GABRB1: variants seen among roughly 807,000 people sequenced by gnomAD.
GABRB1 encodes gamma-aminobutyric acid receptor subunit beta-1.
A neutral mutation model predicts 51.6 loss-of-function variants in GABRB1; 17 were observed. That is an observed-to-expected ratio of 0.33 (90% CI 0.23 to 0.49). The LOEUF (loss-of-function observed/expected upper bound fraction) is 0.49, where lower values mean the gene tolerates loss of function less well. GABRB1 is among the 20% of genes least tolerant of loss of function. The probability of loss-of-function intolerance (pLI) is 0.99; values close to 1 mark genes in which losing one functional copy is unlikely to be tolerated. For missense variants in GABRB1, 410 were observed against 600.6 expected (o/e 0.68, Z 3.32); for synonymous variants, 247 against 218.9 (o/e 1.13, Z -1.14).
At chr4:47,050,146 T>G (rs1007179349) in intron 3 of GABRB1, among the ~76,000 whole-genome samples, 6 of 152,116 alleles carry the variant, frequency 3.9e-5, no homozygotes, top group Non-Finnish European at 7.4e-5. Flanking sequence ...CACACACAGG[T>G]CAGGTCAATT....
At chr4:47,182,817 C>T (rs551310135) in intron 4 of GABRB1, among the ~76,000 whole-genome samples, 2 of 151,928 alleles carry the variant, frequency 1.3e-5, no homozygotes, top group Non-Finnish European at 2.9e-5. Flanking sequence ...ACAGAGAAAA[C>T]TCTAACAGTT....
At chr4:47,139,185 A>G (rs539818162) in intron 3 of GABRB1, among the ~76,000 whole-genome samples, 2 of 152,100 alleles carry the variant, frequency 1.3e-5, no homozygotes, top group East Asian at 1.9e-4. Flanking sequence ...CTAGGTGTGT[A>G]TAATTGGAAA....
At chr4:47,212,810 G>A (rs995012131) in intron 4 of GABRB1, among the ~76,000 whole-genome samples, 1 of 152,110 alleles carries the variant, frequency 6.6e-6, no homozygotes, top group African/African-American at 2.4e-5. Context: ...ATAACTGAAA[G>A]TCTATCCCCA....
chr4:47,066,499 CT>C (rs1382275968), intron 3 of GABRB1, among the ~76,000 whole-genome samples: 5 of 152,186 alleles, frequency 3.3e-5, no homozygotes, highest in African/African-American at 1.2e-4. Flanking sequence ...CCTACTGCTT[CT>C]TTATCAACTA....
intron 3 of GABRB1, among the ~76,000 whole-genome samples, chr4:47,102,496 T>C (rs530574175): frequency 6.6e-6 from 1 of 152,052 alleles, no homozygotes; most frequent in Non-Finnish European, 1.5e-5. Context: ...GGAGTAGATA[T>C]GAAGAGTTGA....
intron 4 of GABRB1, among the ~76,000 whole-genome samples, chr4:47,209,891 C>T (rs572461519): frequency 1.4e-4 from 21 of 151,734 alleles, no homozygotes; most frequent in Non-Finnish European, 2.8e-4. Flanking sequence ...TTCCCTATAC[C>T]CTTTGTAGCT....
chr4:47,102,577 T>C (rs1001313516), intron 3 of GABRB1, among the ~76,000 whole-genome samples: 2 of 151,952 alleles, frequency 1.3e-5, no homozygotes, highest in East Asian at 1.9e-4. Flanking sequence ...AGTTGAGTCC[T>C]GAAGCACAGG....
At chr4:47,046,541 A>C (rs1726099176) in intron 3 of GABRB1, among the ~76,000 whole-genome samples, 1 of 152,116 alleles carries the variant, frequency 6.6e-6, no homozygotes, top group Admixed American at 6.6e-5. Flanking sequence ...ATAATTGACC[A>C]CTAATGGCAC....
intron 4 of GABRB1, among the ~76,000 whole-genome samples, chr4:47,199,501 C>T (rs543432981): frequency 2.0e-4 from 31 of 152,132 alleles, no homozygotes; most frequent in African/African-American, 7.5e-4. Flanking sequence ...ACAAAATATG[C>T]AAGAGACCTA....
chr4:47,383,323 A>G (rs1185022478), intron 5 of GABRB1, among the ~76,000 whole-genome samples: 1 of 152,174 alleles, frequency 6.6e-6, no homozygotes, highest in Non-Finnish European at 1.5e-5. Flanking sequence ...TGATTATTGG[A>G]GGTTGTGTGC....
intron 5 of GABRB1, among the ~76,000 whole-genome samples, chr4:47,375,938 G>A (rs1250416179): frequency 6.6e-6 from 1 of 152,190 alleles, no homozygotes; most frequent in Non-Finnish European, 1.5e-5. Context: ...ATGTTTGGAG[G>A]AGAAGATGAT....
intron 4 of GABRB1, among the ~76,000 whole-genome samples, chr4:47,246,299 T>TATATATATATATATACAC (rs1329276891): frequency 2.4e-5 from 2 of 84,170 alleles, no homozygotes; most frequent in African/African-American, 9.4e-5. Flanking sequence ...TATATATATA[T>TATATATATATATATACAC]ACACACACAC....
chr4:47,290,766 G>A (rs944764386), intron 4 of GABRB1, among the ~76,000 whole-genome samples: 3 of 152,208 alleles, frequency 2.0e-5, no homozygotes, highest in South Asian at 2.1e-4. Context: ...AGAGATCGGT[G>A]GAACTGTGAA....
At chr4:47,322,616 G>A (rs1053016449) in intron 5 of GABRB1, among the ~76,000 whole-genome samples, 10 of 152,178 alleles carry the variant, frequency 6.6e-5, no homozygotes, top group Non-Finnish European at 1.3e-4. Flanking sequence ...AAGCCCAAGT[G>A]TTCTTCTCTT....
chr4:47,172,680 C>T (rs185838177), intron 4 of GABRB1, among the ~76,000 whole-genome samples: 257 of 133,168 alleles, frequency 1.9e-3, no homozygotes, highest in African/African-American at 6.9e-3. Context: ...CTTCCTATGT[C>T]GCCCAGGCTG....
intron 3 of GABRB1, among the ~76,000 whole-genome samples, chr4:47,063,920 G>C (rs1256524864): frequency 6.6e-6 from 1 of 152,132 alleles, no homozygotes; most frequent in Non-Finnish European, 1.5e-5. Flanking sequence ...TTAGAGAAAA[G>C]AGCTAATGCA....
Position 47,243,792 on chromosome 4 carries a change from A to G in GABRB1, c.462-76335A>G, listed in dbSNP as rs183068268. 3.3e-5 allele frequency among the ~76,000 whole-genome samples: 5 copies of G among 152,300 alleles called. No homozygotes were observed. The East Asian group carries it at 5.8e-4, about 18-fold the overall frequency. ...CTTAAGGAGATTTTGGGCTGAGACA[A>G]TGGGGTTTTCTAAATCTATAATCAT... On this transcript the variant is annotated intron_variant, in intron 4 of 8. Transcript: ENST00000295454.
intron 5 of GABRB1, among the ~76,000 whole-genome samples, chr4:47,356,800 A>G (rs1471017697): frequency 6.6e-6 from 1 of 152,210 alleles, no homozygotes; most frequent in East Asian, 1.9e-4. Flanking sequence ...TGCTCTGTGT[A>G]TAAAAATCTG....
intron 3 of GABRB1, among the ~76,000 whole-genome samples, chr4:47,039,040 G>A (rs909695460): frequency 6.6e-6 from 1 of 151,954 alleles, no homozygotes; most frequent in Non-Finnish European, 1.5e-5. Context: ...GTTAATAGTA[G>A]CATTTAACAA....
Sources: allele counts gnomAD v4.1 joint callset (sites outside exome capture counted in the v4.1 genomes callset), GRCh38; gene constraint gnomAD v4.1.1; transcripts MANE v1.5; gene names NCBI Gene and HGNC (gene_info 2026-07-23, HGNC 2026-07-21).